GPR37: variants seen among roughly 807,000 people sequenced by gnomAD.
GPR37 encodes G protein-coupled receptor 37.
Under a neutral mutation model 43.6 loss-of-function variants are expected in GPR37, and 20 were observed. The ratio of observed to expected loss-of-function variants is 0.46; its 90% CI spans 0.32 to 0.67. The LOEUF is 0.67. Among genes scored for constraint, GPR37 ranks in the 30% least tolerant of loss-of-function variants. The pLI, the probability that GPR37 is intolerant of heterozygous loss-of-function variation, is 0.03. For missense variants in GPR37, 724 were observed against 797.2 expected (o/e 0.91, Z 1.11); for synonymous variants, 315 against 322.6 (o/e 0.98, Z 0.25).
intron 1 of GPR37, among the ~76,000 whole-genome samples, chr7:124,754,647 G>C (rs144323515): frequency 3.6e-4 from 55 of 152,176 alleles, no homozygotes; most frequent in African/African-American, 1.3e-3. Flanking sequence ...TTCTAGGCTG[G>C]CTTATATTTT....
At chr7:124,763,517 G>A (rs1186089222) in intron 1 of GPR37, among the ~76,000 whole-genome samples, 1 of 151,070 alleles carries the variant, frequency 6.6e-6, no homozygotes, top group Non-Finnish European at 1.5e-5. Flanking sequence ...TAATCTTCTT[G>A]GGGGAAAACT....
chr7:124,756,575 T>C (rs970021832), intron 1 of GPR37, among the ~76,000 whole-genome samples: 2 of 152,236 alleles, frequency 1.3e-5, no homozygotes, highest in African/African-American at 2.4e-5. Flanking sequence ...TGAGATCATC[T>C]CTTCTGGCAC....
At position 124,764,259 on chromosome 7, in the gene GPR37, T is replaced by C. The variant is rs1482890152; in HGVS notation, c.718A>G (p.Ser240Gly). The change falls in exon 1 of 2, where the codon AGC becomes GGC. Residue 240 changes from serine to glycine, a missense_variant. Coordinates refer to ENST00000303921, the MANE Select transcript of GPR37 (RefSeq NM_005302.5). This position sits in a 1 kb window ranked among gnomAD's most constrained non-coding sequence, Gnocchi z 5.4. Reference protein sequence around the residue: ...HEPGGPRRGNSTNRRVRLKNP... With the variant: ...HEPGGPRRGNGTNRRVRLKNP... ...TTCAGTCTCACACGCCGGTTCGTGC[T>C]GTTTCCCCGGCGGGGACCCCCAGGC... The C allele has an allele frequency of 6.9e-6, 11 of 1,598,908 alleles. No homozygotes were observed. Among genetic ancestry groups the C allele is most frequent in the African/African-American group, 1.3e-5 (1 of 74,454 alleles).
chr7:124,758,457 T>C (rs1433234667), intron 1 of GPR37, among the ~76,000 whole-genome samples: 1 of 152,200 alleles, frequency 6.6e-6, no homozygotes, highest in East Asian at 1.9e-4. Flanking sequence ...GCAGAATACC[T>C]AATGACTAAT....
At chr7:124,750,798 G>A (rs562887907) in intron 1 of GPR37, among the ~76,000 whole-genome samples, 245 of 152,210 alleles carry the variant, frequency 1.6e-3, no homozygotes, top group Non-Finnish European at 2.1e-3. Flanking sequence ...AACTGCCTAA[G>A]AAAGCAAAAC....
intron 1 of GPR37, among the ~76,000 whole-genome samples, chr7:124,762,243 C>A (rs1793859633): frequency 6.6e-6 from 1 of 152,042 alleles, no homozygotes; most frequent in Admixed American, 6.5e-5. Context: ...TTTTTATAAT[C>A]TTTCCTGAAT....
Position 124,746,390 on chromosome 7 carries a change from G to C in GPR37, c.*135C>G. On this transcript the variant is annotated 3_prime_UTR_variant, in exon 2 of 2. Coordinates refer to ENST00000303921, the MANE Select transcript of GPR37 (RefSeq NM_005302.5). ...GCACAAATATTAATTTGTAAAATCA[G>C]TTCTACAGTAGTTAATATTTCTTTC... 3.1e-6 allele frequency: 2 copies of C among 644,012 alleles called. No homozygotes were observed. The highest frequency in any genetic ancestry group is 2.7e-5 in the South Asian group (1 of 36,470). 39.9% of individuals were successfully genotyped at this position (644,012 alleles called of 1,614,324 possible). A position where few individuals can be genotyped will look rare whatever the true frequency, so the allele number is the denominator to read the frequency against.
intron 1 of GPR37, among the ~76,000 whole-genome samples, chr7:124,752,694 G>A (rs143108977): frequency 6.6e-6 from 1 of 152,218 alleles, no homozygotes; most frequent in Non-Finnish European, 1.5e-5. Flanking sequence ...AACCTCTCCT[G>A]ATGTATAGCT....
At chr7:124,751,669 A>G (rs752627574) in intron 1 of GPR37, among the ~76,000 whole-genome samples, 18 of 152,312 alleles carry the variant, frequency 1.2e-4, no homozygotes, top group Middle Eastern at 3.4e-3. Flanking sequence ...GTGCAATTAT[A>G]AAACTGCATC....
At position 124,746,903 on chromosome 7, in the gene GPR37, ACT is replaced by A; in HGVS notation, c.1462_1463del (p.Gln489AspfsTer19). 1 of 1,613,906 alleles carries A rather than the reference ACT, an allele frequency of 6.2e-7. No individual in the cohort carries two copies. The highest frequency in any genetic ancestry group is 8.5e-7 in the Non-Finnish European group (1 of 1,179,934). On this transcript the variant is annotated frameshift_variant, in exon 2 of 2. Transcript: ENST00000303921. LOFTEE classifies it high-confidence loss of function. ...GTGCCACTACTGTACAGTTCATCTG[ACT>A]CTCTAGTTGAATCTGCCGTTTATTC... ...RGNKRQIQLE[S>X]QMNCTVVALT...
intron 1 of GPR37, among the ~76,000 whole-genome samples, chr7:124,752,325 T>C (rs1793743237): frequency 6.6e-6 from 1 of 152,156 alleles, no homozygotes; most frequent in South Asian, 2.1e-4. Context: ...AGAGAATCTA[T>C]AAAATATACT....
At chr7:124,762,715 T>C (rs915787329) in intron 1 of GPR37, among the ~76,000 whole-genome samples, 1 of 152,238 alleles carries the variant, frequency 6.6e-6, no homozygotes, top group Non-Finnish European at 1.5e-5. Context: ...ATCCTGCACC[T>C]GATCCCTGTC....
chr7:124,747,429 TAA>T, intron 1 of GPR37, 86 bp from the exon 2 acceptor site: 1 of 737,590 alleles, frequency 1.4e-6, no homozygotes, highest in Non-Finnish European at 2.2e-6. Flanking sequence ...GGCAAAACTG[TAA>T]AAAAAAATAT....
chr7:124,752,837 T>C (rs1399192782), intron 1 of GPR37, among the ~76,000 whole-genome samples: 1 of 152,170 alleles, frequency 6.6e-6, no homozygotes, highest in African/African-American at 2.4e-5. Flanking sequence ...ATTTGTATTT[T>C]AACTGAAGTA....
intron 1 of GPR37, among the ~76,000 whole-genome samples, chr7:124,761,605 C>T (rs1488340570): frequency 6.6e-6 from 1 of 152,096 alleles, no homozygotes; most frequent in African/African-American, 2.4e-5. Flanking sequence ...ACTTGATGCC[C>T]CAATAAATCT....
chr7:124,755,287 T>C (rs903245506), intron 1 of GPR37, among the ~76,000 whole-genome samples: 1 of 152,160 alleles, frequency 6.6e-6, no homozygotes, highest in Non-Finnish European at 1.5e-5. Flanking sequence ...ACTCAGACTA[T>C]TCCATTTACA....
Position 124,764,595 on chromosome 7 carries a change from G to A in GPR37, c.382C>T (p.Gln128Ter). 2 of 1,607,120 alleles carry A rather than the reference G, an allele frequency of 1.2e-6. No homozygotes were observed. Among genetic ancestry groups the A allele is most frequent in the Non-Finnish European group, 1.7e-6 (2 of 1,176,252 alleles). ...GPWRWKGARG[Q>*]EPSETLGRGN... ...CTCCCCAAAGTTTCAGAAGGCTCCTGACCCCGAGCACCTTTCCACCTCCAG... is the reference window on the plus strand; with the variant it reads ...CTCCCCAAAGTTTCAGAAGGCTCCTAACCCCGAGCACCTTTCCACCTCCAG... The change falls in exon 1 of 2, where the codon CAG becomes TAG. Residue 128 changes from glutamine to a stop codon, truncating the protein, a stop_gained. Transcript: ENST00000303921. LOFTEE classifies it high-confidence loss of function. This position sits in a 1 kb window ranked among gnomAD's most constrained non-coding sequence, Gnocchi z 5.4.
intron 1 of GPR37, 46 bp from the exon 2 acceptor site, chr7:124,747,389 G>T: frequency 1.6e-6 from 2 of 1,259,042 alleles, no homozygotes; most frequent in Non-Finnish European, 2.2e-6. Flanking sequence ...TCCCCCGAAA[G>T]ATCAAAGCAC....
chr7:124,759,239 G>A (rs1163026483), intron 1 of GPR37, among the ~76,000 whole-genome samples: 2 of 151,858 alleles, frequency 1.3e-5, no homozygotes, highest in Non-Finnish European at 2.9e-5. Context: ...GTTAATTTTT[G>A]TATTTTTTGT....
Sources: allele counts gnomAD v4.1 joint callset (sites outside exome capture counted in the v4.1 genomes callset), GRCh38; gene constraint gnomAD v4.1.1; non-coding constraint Gnocchi (gnomAD v3.1); transcripts MANE v1.5; gene names NCBI Gene and HGNC (gene_info 2026-07-23, HGNC 2026-07-21).